The following EFCAB6 variants were observed in gnomAD, a reference collection of about 807,000 sequenced individuals.
EFCAB6 encodes the protein EF-hand calcium binding domain 6.
Under a neutral mutation model 169.8 loss-of-function variants are expected in EFCAB6, and 156 were observed. The observed-to-expected ratio is 0.92, with a 90% CI of 0.81 to 1.05. The LOEUF (loss-of-function observed/expected upper bound fraction) is 1.05, where lower values mean the gene tolerates loss of function less well. EFCAB6 is among the 50% of genes least tolerant of loss of function. The pLI is 0.00. For synonymous variants in EFCAB6, 698 were observed against 676.4 expected (o/e 1.03, Z -0.50); for missense variants, 1,800 against 1,829.1 (o/e 0.98, Z 0.29).
chr22:43,726,679 G>C (rs989966121), intron 8 of EFCAB6, among the ~76,000 whole-genome samples: 1 of 152,176 alleles, frequency 6.6e-6, no homozygotes, highest in African/African-American at 2.4e-5. Flanking sequence ...AAACCCAAAA[G>C]GAAGAGAGGC....
At chr22:43,614,273 T>G (rs1462465244) in intron 21 of EFCAB6, among the ~76,000 whole-genome samples, 1 of 149,962 alleles carries the variant, frequency 6.7e-6, no homozygotes, top group African/African-American at 2.5e-5. Flanking sequence ...TAGTACTGGT[T>G]AAAGAAAAGA....
intron 15 of EFCAB6, among the ~76,000 whole-genome samples, chr22:43,669,487 CT>C (rs1275327136): frequency 2.0e-5 from 3 of 152,160 alleles, no homozygotes; most frequent in African/African-American, 7.2e-5. Flanking sequence ...ATCTTGTGTG[CT>C]TCCATTTACA....
intron 5 of EFCAB6, among the ~76,000 whole-genome samples, chr22:43,757,149 T>C (rs2060984797): frequency 6.6e-6 from 1 of 152,236 alleles, no homozygotes; most frequent in East Asian, 1.9e-4. Flanking sequence ...AAGATAGGAC[T>C]GATCAGGAAT....
At chr22:43,689,181 C>A (rs1177025911) in intron 10 of EFCAB6, among the ~76,000 whole-genome samples, 1 of 151,850 alleles carries the variant, frequency 6.6e-6, no homozygotes, top group Non-Finnish European at 1.5e-5. Context: ...GATGAGCTGG[C>A]TAGCCATTGA....
chr22:43,785,010 C>A (rs2062025481), intron 2 of EFCAB6, among the ~76,000 whole-genome samples: 1 of 151,780 alleles, frequency 6.6e-6, no homozygotes, highest in Non-Finnish European at 1.5e-5. Flanking sequence ...CATATATGCA[C>A]CTAACAAGAG....
intron 20 of EFCAB6, among the ~76,000 whole-genome samples, chr22:43,619,396 C>G (rs1230086548): frequency 6.6e-6 from 1 of 152,084 alleles, no homozygotes; most frequent in Non-Finnish European, 1.5e-5. Context: ...CATAATAAAA[C>G]ACTTAAAATA....
intron 10 of EFCAB6, among the ~76,000 whole-genome samples, chr22:43,696,339 T>C (rs1313783389): frequency 6.6e-6 from 1 of 152,158 alleles, no homozygotes; most frequent in Non-Finnish European, 1.5e-5. Context: ...AATTGTTACA[T>C]ACTGCTGGTG....
At chr22:43,755,283 A>G (rs545614054) in intron 6 of EFCAB6, among the ~76,000 whole-genome samples, 14 of 152,222 alleles carry the variant, frequency 9.2e-5, no homozygotes, top group Non-Finnish European at 1.8e-4. Context: ...CAATCAGCAA[A>G]TAGGAACGAT....
At chr22:43,638,349 T>A (rs866960570) in intron 17 of EFCAB6, among the ~76,000 whole-genome samples, 23 of 152,224 alleles carry the variant, frequency 1.5e-4, no homozygotes, top group African/African-American at 5.1e-4. Context: ...CTAGGAGGCA[T>A]TCCCCTAAGA....
In EFCAB6 at chr22:43,812,270, A is replaced by T. The variant is rs2063159821; in HGVS notation, c.-247T>A. 6.6e-6 allele frequency: 1 copy of T among 152,292 alleles called. No homozygotes were observed. Among genetic ancestry groups the T allele is most frequent in the Admixed American group, 6.5e-5 (1 of 15,286 alleles). 9.4% of individuals were successfully genotyped at this position (152,292 alleles called of 1,614,324 possible). A position where few individuals can be genotyped will look rare whatever the true frequency, so the allele number is the denominator to read the frequency against. ...GGGCTGCCCATTCGGCGTCTCTAGGACGCTGTTGCCCGAGAGACGACGGCA... is the reference window on the plus strand; with the variant it reads ...GGGCTGCCCATTCGGCGTCTCTAGGTCGCTGTTGCCCGAGAGACGACGGCA... On this transcript the variant is annotated 5_prime_UTR_variant, in exon 1 of 32. Coordinates refer to ENST00000262726, the MANE Select transcript of EFCAB6 (RefSeq NM_022785.4).
intron 13 of EFCAB6, among the ~76,000 whole-genome samples, chr22:43,674,773 C>T (rs1258354788): frequency 1.3e-5 from 2 of 152,130 alleles, no homozygotes; most frequent in Non-Finnish European, 2.9e-5. Context: ...CATAATCAAC[C>T]TGGTTTTACA....
intron 6 of EFCAB6, among the ~76,000 whole-genome samples, chr22:43,743,844 G>T (rs1040699007): frequency 1.3e-5 from 2 of 152,142 alleles, no homozygotes; most frequent in Non-Finnish European, 2.9e-5. Flanking sequence ...CTAGGGCCTG[G>T]ATCAATGAAT....
At chr22:43,657,663 G>T (rs972097790) in intron 17 of EFCAB6, among the ~76,000 whole-genome samples, 1 of 151,618 alleles carries the variant, frequency 6.6e-6, no homozygotes, top group African/African-American at 2.4e-5. Context: ...GAAAATCAAT[G>T]GTTTAAATTT....
chr22:43,587,301 G>A (rs1386467144), intron 24 of EFCAB6, among the ~76,000 whole-genome samples: 2 of 152,126 alleles, frequency 1.3e-5, no homozygotes, highest in Non-Finnish European at 2.9e-5. Context: ...TAATGAAAAG[G>A]GGAGGATTAA....
chr22:43,672,176 T>C (rs770521706), intron 14 of EFCAB6, 43 bp from the exon 15 acceptor site: 21 of 1,613,710 alleles, frequency 1.3e-5, no homozygotes, highest in Non-Finnish European at 1.8e-5. Flanking sequence ...CATACATCTG[T>C]AACCTCTTGT....
At chr22:43,675,516 GATTT>G (rs200413494) in intron 13 of EFCAB6, among the ~76,000 whole-genome samples, 1,461 of 125,796 alleles carry the variant, frequency 0.012, 5 homozygotes, top group Non-Finnish European at 0.017. Context: ...TATAATATAG[GATTT>G]ATTAAGTAAG....
At chr22:43,631,990 G>C (rs1371440599) in intron 19 of EFCAB6, 115 bp downstream of exon 19, 4 of 1,419,826 alleles carry the variant, frequency 2.8e-6, no homozygotes, top group East Asian at 2.4e-5. Context: ...GAAATGCTCT[G>C]TGTCCCTTGG....
At position 43,609,266 on chromosome 22, in the gene EFCAB6, A is replaced by G. The variant is rs190999204; in HGVS notation, c.2563-666T>C. On this transcript the variant is annotated intron_variant, in intron 21 of 31. Transcript: ENST00000262726. The stretch of plus-strand genomic sequence containing the variant: ...AAACATTCCCCCTAAGATCAGGAAC[A>G]AAGTGAGAATATCTTCATCACCCGC... 4.3e-3 allele frequency among the ~76,000 whole-genome samples: 653 copies of G among 152,360 alleles called. 4 individuals are homozygous for G. Among genetic ancestry groups the G allele is most frequent in the Middle Eastern group, 0.034 (10 of 294 alleles).
At chr22:43,675,365 A>AATTATACTATATTATACTATAAT in intron 13 of EFCAB6, among the ~76,000 whole-genome samples, 2 of 128,416 alleles carry the variant, frequency 1.6e-5, no homozygotes, top group Non-Finnish European at 3.1e-5. Flanking sequence ...TATAATATAT[A>AATTATACTATATTATACTATAAT]ATATAATATA....
Sources: gnomAD v4.1 joint callset for allele counts (sites outside exome capture counted in the v4.1 genomes callset) on GRCh38, gnomAD v4.1.1 for gene constraint, MANE v1.5 for transcripts, NCBI Gene and HGNC (gene_info 2026-07-23, HGNC 2026-07-21) for gene names.